CDIN1: variants seen among roughly 807,000 people sequenced by gnomAD.
The protein encoded by CDIN1 is CDAN1 interacting nuclease 1.
Under a neutral mutation model 45.3 loss-of-function variants are expected in CDIN1, and 33 were observed. That is an observed-to-expected ratio of 0.73 (90% confidence interval 0.55 to 0.97). The LOEUF is 0.97. CDIN1 is among the 50% of genes least tolerant of loss of function. The pLI is 0.00. For missense variants in CDIN1, 303 were observed against 339.4 expected, an observed-to-expected ratio of 0.89 and a Z score of 0.84; for synonymous variants, 118 against 124.4, an observed-to-expected ratio of 0.95 and a Z score of 0.34.
At chr15:36,721,149 A>G (rs1595518106) in intron 10 of CDIN1, among the ~76,000 whole-genome samples, 1 of 151,888 alleles carries the variant, frequency 6.6e-6, no homozygotes, top group South Asian at 2.1e-4. Flanking sequence ...AATTTGTTTG[A>G]GTTCTTTGTA....
intron 10 of CDIN1, among the ~76,000 whole-genome samples, chr15:36,740,441 C>T (rs571002051): frequency 6.6e-6 from 1 of 152,024 alleles, no homozygotes; most frequent in South Asian, 2.1e-4. Flanking sequence ...AGGGACCAGA[C>T]AGATAACAGA....
At position 36,684,164 on chromosome 15, in the gene CDIN1, G is replaced by T. The variant is rs1408750345; in HGVS notation, c.347-7521G>T. Among the ~76,000 whole-genome samples, 6 of 149,862 alleles carry T rather than the reference G, an allele frequency of 4.0e-5. No homozygotes were observed. In the East Asian group the frequency reaches 1.2e-3, roughly 30 times the overall value. ...CCCTGTCTTGTGCCAGTTTTCAAAGGGAATGCTTCCAGTTTTTGCCCATTC... is the reference window on the plus strand; with the variant it reads ...CCCTGTCTTGTGCCAGTTTTCAAAGTGAATGCTTCCAGTTTTTGCCCATTC... On this transcript the variant is annotated intron_variant, in intron 5 of 10. Coordinates refer to ENST00000566621, the MANE Select transcript of CDIN1 (RefSeq NM_001321759.2).
At chr15:36,626,940 C>T in intron 1 of CDIN1, 1 of 195,404 alleles carries the variant, frequency 5.1e-6, no homozygotes, top group Non-Finnish European at 1.1e-5. Flanking sequence ...TCCAGGTTCA[C>T]AGGCTTGATG....
intron 1 of CDIN1, among the ~76,000 whole-genome samples, chr15:36,639,108 G>A (rs1279223530): frequency 6.6e-6 from 1 of 152,182 alleles, no homozygotes; most frequent in African/African-American, 2.4e-5. Context: ...TGCAAAGGTA[G>A]TTATAGAGCC....
At chr15:36,598,320 T>C (rs2140220360) in intron 1 of CDIN1, among the ~76,000 whole-genome samples, 1 of 152,318 alleles carries the variant, frequency 6.6e-6, no homozygotes, top group Middle Eastern at 3.4e-3. Context: ...TTATTAGTTA[T>C]TGTCTTCATT....
chr15:36,777,977 G>A (rs2054261806), intron 10 of CDIN1, among the ~76,000 whole-genome samples: 1 of 152,176 alleles, frequency 6.6e-6, no homozygotes, highest in Non-Finnish European at 1.5e-5. Context: ...GGAATTGGTA[G>A]CCTCTGAAAT....
At chr15:36,788,641 A>G (rs2054568228) in intron 10 of CDIN1, among the ~76,000 whole-genome samples, 2 of 152,348 alleles carry the variant, frequency 1.3e-5, no homozygotes, top group South Asian at 4.1e-4. Context: ...AATTAGTTTC[A>G]AAACAAAATT....
intron 3 of CDIN1, among the ~76,000 whole-genome samples, chr15:36,648,183 A>G (rs538633823): frequency 1.5e-4 from 23 of 152,180 alleles, no homozygotes; most frequent in African/African-American, 5.3e-4. Context: ...TAATTGTGCC[A>G]CTCAGAGATC....
chr15:36,610,135 A>G (rs897563141), intron 1 of CDIN1, among the ~76,000 whole-genome samples: 8 of 152,232 alleles, frequency 5.3e-5, no homozygotes, highest in African/African-American at 1.9e-4. Flanking sequence ...AAACTATAAT[A>G]TAGGAAATAT....
At chr15:36,614,761 A>G (rs1359037760) in intron 1 of CDIN1, among the ~76,000 whole-genome samples, 2 of 152,220 alleles carry the variant, frequency 1.3e-5, no homozygotes, top group African/African-American at 4.8e-5. Flanking sequence ...GAGTTAGCCA[A>G]ACAACAACAA....
intron 8 of CDIN1, among the ~76,000 whole-genome samples, chr15:36,702,530 C>G (rs1422403765): frequency 6.6e-6 from 1 of 152,156 alleles, no homozygotes; most frequent in Non-Finnish European, 1.5e-5. Context: ...CTCACCACTG[C>G]TCTTGGTAGT....
Position 36,618,387 on chromosome 15 carries a change from A to G in CDIN1, c.102-25891A>G, listed in dbSNP as rs2038995854. On this transcript the variant is annotated intron_variant, in intron 1 of 10. Transcript: ENST00000566621. ...TCAAAAGGAGACTTCCACTTTGCAG[A>G]TGGAACAAAATGGGGACTATGGTAG... 1.3e-5 allele frequency: 9 copies of G among 701,578 alleles called. No individual in the cohort carries two copies. The East Asian group carries it at 2.2e-4, about 17-fold the overall frequency. 43.5% of individuals were successfully genotyped at this position (701,578 alleles called of 1,614,324 possible).
intron 10 of CDIN1, among the ~76,000 whole-genome samples, chr15:36,800,909 G>GTGTGTATGTA (rs1156514805): frequency 4.5e-5 from 1 of 22,390 alleles, no homozygotes; most frequent in African/African-American, 8.9e-5. Flanking sequence ...GTGTGTGTGT[G>GTGTGTATGTA]TATATATATA....
At chr15:36,742,796 G>C (rs922016838) in intron 10 of CDIN1, among the ~76,000 whole-genome samples, 2 of 152,196 alleles carry the variant, frequency 1.3e-5, no homozygotes, top group African/African-American at 4.8e-5. Context: ...AGGCAATAAA[G>C]ATAAAAGATA....
intron 10 of CDIN1, among the ~76,000 whole-genome samples, chr15:36,780,716 T>G (rs539480826): frequency 6.6e-6 from 1 of 152,334 alleles, no homozygotes; most frequent in Admixed American, 6.5e-5. Flanking sequence ...TGTGTATCTC[T>G]TATTAATTCT....
chr15:36,659,344 A>AT (rs1431023067), intron 5 of CDIN1, among the ~76,000 whole-genome samples: 2 of 152,118 alleles, frequency 1.3e-5, no homozygotes, highest in Non-Finnish European at 2.9e-5. Context: ...ACTGAATATA[A>AT]TTTTGATGTG....
chr15:36,660,916 C>A (rs1479531132), intron 5 of CDIN1, among the ~76,000 whole-genome samples: 1 of 152,158 alleles, frequency 6.6e-6, no homozygotes, highest in Non-Finnish European at 1.5e-5. Context: ...TTTTCTTCCT[C>A]CCAAATTAGA....
chr15:36,695,696 A>C (rs2042398024), intron 7 of CDIN1, among the ~76,000 whole-genome samples: 1 of 151,970 alleles, frequency 6.6e-6, no homozygotes, highest in Non-Finnish European at 1.5e-5. Context: ...AAAACACAAA[A>C]ATTAGCTGGG....
chr15:36,768,861 A>G (rs2053994284), intron 10 of CDIN1, among the ~76,000 whole-genome samples: 1 of 152,158 alleles, frequency 6.6e-6, no homozygotes, highest in South Asian at 2.1e-4. Flanking sequence ...CAGAGTCTGA[A>G]AGAAAGGAGT....
Sources: gnomAD v4.1 joint callset for allele counts (sites outside exome capture counted in the v4.1 genomes callset) on GRCh38, gnomAD v4.1.1 for gene constraint, MANE v1.5 for transcripts, NCBI Gene and HGNC (gene_info 2026-07-23, HGNC 2026-07-21) for gene names.